The following HLCS variants were observed in gnomAD, a reference collection of about 807,000 sequenced individuals.
HLCS encodes holocarboxylase synthetase, also known as biotin--protein ligase.
In HLCS, 53 loss-of-function variants were observed where a neutral mutation model predicts 75.0. The observed-to-expected ratio is 0.71, with a 90% CI of 0.57 to 0.89. The LOEUF (loss-of-function observed/expected upper bound fraction) is 0.89, where lower values mean the gene tolerates loss of function less well. Among genes scored for constraint, HLCS ranks in the 40% least tolerant of loss-of-function variants. HLCS has a pLI of 0.00. For synonymous variants in HLCS, 431 were observed against 428.6 expected (o/e 1.01, Z -0.07); for missense variants, 966 against 1,074.0 (o/e 0.90, Z 1.41).
upstream of HLCS, among the ~76,000 whole-genome samples, chr21:36,971,007 G>A (rs4816556): frequency 0.012 from 627 of 51,864 alleles, 24 homozygotes; most frequent in African/African-American, 0.012. Flanking sequence ...AAAAAAAAAA[G>A]AAAGAAAAGA....
chr21:36,912,605 A>G (rs1427963815), intron 5 of HLCS, among the ~76,000 whole-genome samples: 1 of 152,206 alleles, frequency 6.6e-6, no homozygotes, highest in Non-Finnish European at 1.5e-5. Flanking sequence ...GGTGTAATTT[A>G]CACCACTGAA....
At chr21:36,978,939 T>G (rs1163683653) in intron 1 of HLCS, among the ~76,000 whole-genome samples, 2 of 151,802 alleles carry the variant, frequency 1.3e-5, no homozygotes, top group African/African-American at 4.8e-5. Flanking sequence ...GGACTGAGAC[T>G]TCCGTACTCA....
chr21:36,869,248 C>T (rs551930787), intron 6 of HLCS, among the ~76,000 whole-genome samples: 10 of 152,226 alleles, frequency 6.6e-5, no homozygotes, highest in East Asian at 1.9e-4. Flanking sequence ...CCTCAGCCTC[C>T]GGAGTAGCTG....
chr21:36,796,123 T>C (rs1331426491), intron 6 of HLCS, among the ~76,000 whole-genome samples: 1 of 152,138 alleles, frequency 6.6e-6, no homozygotes, highest in African/African-American at 2.4e-5. Context: ...TCTAGTATAA[T>C]CTCAATTCTT....
intron 6 of HLCS, among the ~76,000 whole-genome samples, chr21:36,887,129 CAA>C (rs11306825): frequency 1.8e-3 from 250 of 136,264 alleles, no homozygotes; most frequent in Admixed American, 1.7e-3. Context: ...GATTCTGTCT[CAA>C]AAAAAAAAAA....
intron 1 of HLCS, among the ~76,000 whole-genome samples, chr21:36,962,823 A>C (rs1162462649): frequency 7.2e-6 from 1 of 138,980 alleles, no homozygotes; most frequent in Non-Finnish European, 1.6e-5. Flanking sequence ...AAAGATGAGG[A>C]GGCCTAGAAG....
intron 6 of HLCS, among the ~76,000 whole-genome samples, chr21:36,795,043 T>C (rs1325567817): frequency 6.6e-6 from 1 of 152,000 alleles, no homozygotes; most frequent in Non-Finnish European, 1.5e-5. Context: ...TGGGAATCAT[T>C]ATCGTGGAGA....
At chr21:36,919,765 T>A (rs1252077142) in intron 5 of HLCS, among the ~76,000 whole-genome samples, 1 of 152,198 alleles carries the variant, frequency 6.6e-6, no homozygotes, top group Admixed American at 6.5e-5. Flanking sequence ...ATAAAGCAGA[T>A]AGCAAAACAT....
rs2089337993 is a variant in HLCS, at chr21:36,750,646, G to C, written c.*3600C>G. On this transcript the variant is annotated 3_prime_UTR_variant, in exon 11 of 11. Transcript: ENST00000674895. ...TAAGATGGTTAAGGTAGACTAGTGG[G>C]GACTGCTACAGATAAAATGAGATAC... 6.6e-6 allele frequency among the ~76,000 whole-genome samples: 1 copy of C among 151,534 alleles called. No individual in the cohort carries two copies. Among genetic ancestry groups the C allele is most frequent in the South Asian group, 2.1e-4 (1 of 4,780 alleles).
At chr21:36,800,906 C>T (rs1050912337) in intron 6 of HLCS, among the ~76,000 whole-genome samples, 8 of 151,988 alleles carry the variant, frequency 5.3e-5, no homozygotes, top group African/African-American at 1.9e-4. Context: ...TAATTCCCTC[C>T]ACTTAGTTGA....
intron 1 of HLCS, chr21:36,975,075 G>A (rs11702480): frequency 0.41 from 61,997 of 151,472 alleles, 13,421 homozygotes; most frequent in South Asian, 0.53. Context: ...CTCTGGCGCC[G>A]CAATCATCTC....
At chr21:36,776,360 T>C (rs2060357649) in intron 6 of HLCS, among the ~76,000 whole-genome samples, 1 of 152,138 alleles carries the variant, frequency 6.6e-6, no homozygotes, top group Non-Finnish European at 1.5e-5. Flanking sequence ...GGGTTTATCT[T>C]ACCTGATTAT....
At chr21:36,812,061 C>T (rs557470060) in intron 6 of HLCS, among the ~76,000 whole-genome samples, 1 of 152,276 alleles carries the variant, frequency 6.6e-6, no homozygotes, top group East Asian at 1.9e-4. Context: ...TCCTTCCACC[C>T]CACATGATCA....
At chr21:36,946,049 A>T in intron 2 of HLCS, 1 of 942,014 alleles carries the variant, frequency 1.1e-6, no homozygotes, top group Non-Finnish European at 1.3e-6. Flanking sequence ...ATCATCCATA[A>T]AGTGCCTGGG....
At chr21:36,838,722 A>AG (rs1382956249) in intron 6 of HLCS, among the ~76,000 whole-genome samples, 5 of 151,560 alleles carry the variant, frequency 3.3e-5, no homozygotes, top group African/African-American at 7.3e-5. Context: ...AAAAAAAAAA[A>AG]AGAGAGAGAC....
intron 6 of HLCS, among the ~76,000 whole-genome samples, chr21:36,819,762 G>A (rs951102757): frequency 6.6e-6 from 1 of 152,104 alleles, no homozygotes; most frequent in African/African-American, 2.4e-5. Context: ...TTAAATTGAG[G>A]TCTGCTGGGC....
In HLCS at chr21:36,854,156, T is replaced by C. The variant is rs2063107689; in HGVS notation, c.1892+42704A>G. 2.0e-5 allele frequency among the ~76,000 whole-genome samples: 3 copies of C among 152,232 alleles called. No homozygotes were observed. The South Asian group carries it at 6.2e-4, about 31-fold the overall frequency. ...AGAAAGACATGAGACTCTTTGAACGTCAATATTTGTCATATGTTAAAAATC... is the reference window on the plus strand; with the variant it reads ...AGAAAGACATGAGACTCTTTGAACGCCAATATTTGTCATATGTTAAAAATC... On this transcript the variant is annotated intron_variant, in intron 6 of 10. Transcript: ENST00000674895.
intron 6 of HLCS, among the ~76,000 whole-genome samples, chr21:36,853,472 A>C (rs1168511166): frequency 6.6e-6 from 1 of 152,238 alleles, no homozygotes; most frequent in African/African-American, 2.4e-5. Context: ...AGTATGTTTA[A>C]AACATGGGAT....
At chr21:36,946,348 C>T (rs916712662) in intron 2 of HLCS, among the ~76,000 whole-genome samples, 8 of 152,030 alleles carry the variant, frequency 5.3e-5, no homozygotes, top group Non-Finnish European at 1.2e-4. Flanking sequence ...CTCCAGCAAT[C>T]CTCCCAACTC....
Sources: allele counts gnomAD v4.1 joint callset (sites outside exome capture counted in the v4.1 genomes callset), GRCh38; gene constraint gnomAD v4.1.1; transcripts MANE v1.5; gene names NCBI Gene and HGNC (gene_info 2026-07-23, HGNC 2026-07-21).